AMOTL1: variants seen among roughly 807,000 people sequenced by gnomAD.
AMOTL1 encodes angiomotin-like protein 1.
Under a neutral mutation model 102.9 loss-of-function variants are expected in AMOTL1, and 45 were observed. The observed-to-expected ratio is 0.44, with a 90% CI of 0.34 to 0.56. AMOTL1 has a LOEUF of 0.56. AMOTL1 is among the 20% of genes least tolerant of loss of function. AMOTL1 has a pLI of 0.01. For missense variants in AMOTL1, 1,114 were observed against 1,225.6 expected, an observed-to-expected ratio of 0.91 and a Z score of 1.36; for synonymous variants, 481 against 484.7, an observed-to-expected ratio of 0.99 and a Z score of 0.10.
At chr11:94,772,577 G>A (rs1163290112) in intron 1 of AMOTL1, among the ~76,000 whole-genome samples, 1 of 152,206 alleles carries the variant, frequency 6.6e-6, no homozygotes, top group Non-Finnish European at 1.5e-5. Flanking sequence ...TTGCTGAGTA[G>A]TATTCCATAA....
At chr11:94,766,733 C>T (rs1950859317), upstream of AMOTL1, among the ~76,000 whole-genome samples, 1 of 152,222 alleles carries the variant, frequency 6.6e-6, no homozygotes, top group African/African-American at 2.4e-5. Context: ...GAGGTTGTTT[C>T]TATACCTGGC....
At chr11:94,793,081 C>A (rs1951313269) in intron 1 of AMOTL1, among the ~76,000 whole-genome samples, 1 of 152,152 alleles carries the variant, frequency 6.6e-6, no homozygotes, top group Admixed American at 6.5e-5. Flanking sequence ...TATATACACA[C>A]ACACATATAT....
At chr11:94,742,697 G>T (rs1054578826) in intron 3 of AMOTL1, among the ~76,000 whole-genome samples, 1 of 152,122 alleles carries the variant, frequency 6.6e-6, no homozygotes, top group Non-Finnish European at 1.5e-5. Flanking sequence ...GTCCATTTGT[G>T]TTGTTATATC....
intron 1 of AMOTL1, among the ~76,000 whole-genome samples, chr11:94,712,372 G>C (rs1484158499): frequency 6.6e-6 from 1 of 152,014 alleles, no homozygotes; most frequent in Non-Finnish European, 1.5e-5. Context: ...AGATTTAAAT[G>C]TAAGACCTCA....
intron 4 of AMOTL1, among the ~76,000 whole-genome samples, chr11:94,827,177 C>T (rs181983469): frequency 2.3e-4 from 35 of 152,280 alleles, no homozygotes; most frequent in Admixed American, 2.2e-3. Flanking sequence ...GAATCAGAGC[C>T]GCACAGTGCA....
intron 6 of AMOTL1, among the ~76,000 whole-genome samples, chr11:94,844,807 C>CATAT (rs1327460227): frequency 6.6e-6 from 1 of 152,138 alleles, no homozygotes; most frequent in East Asian, 1.9e-4. Context: ...TTTGGGGAAC[C>CATAT]ATATTCAAAC....
intron 3 of AMOTL1, among the ~76,000 whole-genome samples, chr11:94,806,129 G>T (rs969341727): frequency 2.0e-5 from 3 of 152,218 alleles, no homozygotes; most frequent in African/African-American, 7.2e-5. Flanking sequence ...AGGGAGGAGG[G>T]ACAAGTAAAG....
At chr11:94,847,136 C>T (rs983531388) in intron 6 of AMOTL1, among the ~76,000 whole-genome samples, 2 of 152,118 alleles carry the variant, frequency 1.3e-5, no homozygotes, top group African/African-American at 4.8e-5. Flanking sequence ...TACAAAACAC[C>T]CCAGAAACGA....
At chr11:94,729,943 C>A (rs923235427) in intron 2 of AMOTL1, among the ~76,000 whole-genome samples, 1 of 152,246 alleles carries the variant, frequency 6.6e-6, no homozygotes, top group Admixed American at 6.5e-5. Context: ...CAAACATTTG[C>A]AGACCTTCTG....
At chr11:94,784,825 C>T (rs1034368984) in intron 1 of AMOTL1, among the ~76,000 whole-genome samples, 1 of 152,102 alleles carries the variant, frequency 6.6e-6, no homozygotes, top group Non-Finnish European at 1.5e-5. Flanking sequence ...CATTTCTGGT[C>T]TATACTTGTG....
At chr11:94,847,185 T>C (rs1464489881) in intron 6 of AMOTL1, among the ~76,000 whole-genome samples, 1 of 152,152 alleles carries the variant, frequency 6.6e-6, no homozygotes, top group Non-Finnish European at 1.5e-5. Flanking sequence ...TTGTCTGTAG[T>C]GTACACTGTG....
rs1419402397 is a variant in AMOTL1, at chr11:94,768,536, G to C, written c.25G>C (p.Gly9Arg). The change falls in exon 1 of 13, where the codon GGA (glycine) becomes CGA (arginine). Residue 9 changes from glycine (G) to arginine (R), a missense_variant. Coordinates refer to ENST00000433060, the MANE Select transcript of AMOTL1 (RefSeq NM_130847.3). ...CATGTGGAGGGCAAAGTTGCGCCGG[G>C]GAACTTGTGAGCCTGCGGTGAAAGG... Reference protein sequence around the residue: MWRAKLRRGTCEPAVKGSP... With the variant: MWRAKLRRRTCEPAVKGSP... 1.9e-5 allele frequency: 30 copies of C among 1,601,828 alleles called. No individual in the cohort carries two copies. Among genetic ancestry groups the C allele is most frequent in the Admixed American group, 3.4e-5 (2 of 58,810 alleles).
At chr11:94,794,468 A>G (rs968191110) in intron 1 of AMOTL1, among the ~76,000 whole-genome samples, 11 of 152,188 alleles carry the variant, frequency 7.2e-5, no homozygotes, top group African/African-American at 2.7e-4. Flanking sequence ...ACCAGACCCC[A>G]TTGCCCCAGC....
intron 1 of AMOTL1, among the ~76,000 whole-genome samples, chr11:94,716,523 G>C (rs1950100865): frequency 6.6e-6 from 1 of 152,134 alleles, no homozygotes; most frequent in South Asian, 2.1e-4. Flanking sequence ...TATAAGTTCT[G>C]GTCTACTTTT....
intron 6 of AMOTL1, among the ~76,000 whole-genome samples, chr11:94,843,835 C>T (rs535712545): frequency 1.3e-5 from 2 of 152,256 alleles, no homozygotes; most frequent in East Asian, 1.9e-4. Context: ...GGGCAGATAG[C>T]ATGAAAGTTG....
intron 4 of AMOTL1, among the ~76,000 whole-genome samples, chr11:94,825,603 G>C (rs548769431): frequency 2.0e-5 from 3 of 152,150 alleles, no homozygotes; most frequent in Non-Finnish European, 2.9e-5. Context: ...AATGAGAGCT[G>C]GGAAGGTAAA....
intron 1 of AMOTL1, among the ~76,000 whole-genome samples, chr11:94,708,568 A>G (rs1392353105): frequency 6.6e-6 from 1 of 152,210 alleles, no homozygotes; most frequent in South Asian, 2.1e-4. Flanking sequence ...CATTTATGGA[A>G]GGCTCTAAAA....
chr11:94,749,350 T>A (rs1950623925), intron 3 of AMOTL1, among the ~76,000 whole-genome samples: 1 of 151,992 alleles, frequency 6.6e-6, no homozygotes, highest in South Asian at 2.1e-4. Context: ...TCCTCAGCCC[T>A]TTTGGTTCCA....
At chr11:94,800,347 C>T in intron 3 of AMOTL1, 36 bp downstream of exon 3, 1 of 1,526,128 alleles carries the variant, frequency 6.6e-7, no homozygotes, top group Non-Finnish European at 8.8e-7. Flanking sequence ...TGCGGCTTTT[C>T]AAAATTCAAT....
Sources: gnomAD v4.1 joint callset for allele counts (sites outside exome capture counted in the v4.1 genomes callset) on GRCh38, gnomAD v4.1.1 for gene constraint, MANE v1.5 for transcripts, NCBI Gene and HGNC (gene_info 2026-07-23, HGNC 2026-07-21) for gene names.